Variants in CSMD1 observed in about 807,000 individuals in gnomAD.
CSMD1 encodes CUB and Sushi multiple domains 1.
CSMD1 carries 213 observed loss-of-function variants against 417.5 expected under a neutral mutation model. The ratio of observed to expected loss-of-function variants is 0.51; its 90% CI spans 0.46 to 0.57. CSMD1 has a LOEUF of 0.57. Among genes scored for constraint, CSMD1 ranks in the 20% least tolerant of loss-of-function variants. CSMD1 has a pLI of 0.00. For missense variants in CSMD1, 6,923 were observed against 4,529.7 expected, an observed-to-expected ratio of 1.53 and a Z score of -15.17; for synonymous variants, 2,862 against 1,736.8, an observed-to-expected ratio of 1.65 and a Z score of -16.11.
chr8:3,082,928 G>A (rs1329309632), intron 49 of CSMD1, among the ~76,000 whole-genome samples: 1 of 152,180 alleles, frequency 6.6e-6, no homozygotes, highest in African/African-American at 2.4e-5. Context: ...GTGAACATCT[G>A]CGGGAAAAAT....
chr8:4,773,450 G>A (rs1405551235), intron 1 of CSMD1, among the ~76,000 whole-genome samples: 15 of 152,104 alleles, frequency 9.9e-5, no homozygotes, highest in Admixed American at 9.8e-4. Context: ...GGAGGCCTGT[G>A]CACCCCAGAG....
rs1056815481 is a variant in CSMD1 at position 3,611,840 on chromosome 8, T to A, written c.1097+4870A>T. ...TACAAAATCATGCATATACAAAAAA[T>A]TAATTTAGGACAGAAGTTCAGCCAA... is the stretch of plus-strand genomic sequence containing the variant. On this transcript the variant is annotated intron_variant, in intron 8 of 69. Coordinates refer to ENST00000635120, the MANE Select transcript of CSMD1 (RefSeq NM_033225.6). 7.9e-5 allele frequency among the ~76,000 whole-genome samples: 12 copies of A among 152,030 alleles called. No homozygotes were observed. The East Asian group carries it at 1.2e-3, about 15-fold the overall frequency.
At chr8:4,378,372 A>T (rs1435622271) in intron 3 of CSMD1, among the ~76,000 whole-genome samples, 1 of 152,234 alleles carries the variant, frequency 6.6e-6, no homozygotes, top group African/African-American at 2.4e-5. Context: ...ATCATGAGAA[A>T]TTAGCTCACT....
At chr8:3,947,084 G>A (rs1021817177) in intron 5 of CSMD1, among the ~76,000 whole-genome samples, 18 of 152,148 alleles carry the variant, frequency 1.2e-4, no homozygotes, top group Admixed American at 9.2e-4. Flanking sequence ...AGTTGTAAAA[G>A]TGGATATTAT....
intron 3 of CSMD1, among the ~76,000 whole-genome samples, chr8:4,209,714 G>T (rs1303863573): frequency 1.3e-5 from 2 of 152,274 alleles, no homozygotes; most frequent in East Asian, 1.9e-4. Context: ...AACTTTTATT[G>T]ACTGAAGCAG....
chr8:3,665,290 G>A (rs963043448), intron 7 of CSMD1, among the ~76,000 whole-genome samples: 1 of 152,136 alleles, frequency 6.6e-6, no homozygotes, highest in East Asian at 1.9e-4. Context: ...AGCACTTTAG[G>A]AGGCTGAGGT....
At chr8:4,882,353 G>C (rs1245096461) in intron 1 of CSMD1, among the ~76,000 whole-genome samples, 1 of 151,708 alleles carries the variant, frequency 6.6e-6, no homozygotes, top group East Asian at 2.0e-4. Context: ...TGGTTTGCTT[G>C]GGCAATGGGG....
intron 7 of CSMD1, among the ~76,000 whole-genome samples, chr8:3,617,392 T>C (rs926815765): frequency 2.0e-5 from 3 of 152,240 alleles, no homozygotes; most frequent in Non-Finnish European, 4.4e-5. Flanking sequence ...AGAACTCATT[T>C]GTTTATTGGA....
At chr8:3,772,688 T>C (rs35843559) in intron 5 of CSMD1, among the ~76,000 whole-genome samples, 17,283 of 144,754 alleles carry the variant, frequency 0.12, 1,284 homozygotes, top group East Asian at 0.28. Context: ...TATACATATA[T>C]ATACAAATAT....
intron 23 of CSMD1, among the ~76,000 whole-genome samples, chr8:3,325,760 G>T (rs1837918): frequency 0.15 from 22,756 of 152,040 alleles, 2,439 homozygotes; most frequent in African/African-American, 0.31. Context: ...GGAGGCAGAG[G>T]TTGCAGTGAG....
At chr8:4,251,423 A>T (rs1174279340) in intron 3 of CSMD1, among the ~76,000 whole-genome samples, 1 of 152,208 alleles carries the variant, frequency 6.6e-6, no homozygotes, top group Non-Finnish European at 1.5e-5. Flanking sequence ...GAGCAATAAC[A>T]TGAGACAAGA....
At chr8:4,207,810 T>G (rs886961511) in intron 3 of CSMD1, among the ~76,000 whole-genome samples, 3 of 152,120 alleles carry the variant, frequency 2.0e-5, no homozygotes, top group Non-Finnish European at 4.4e-5. Flanking sequence ...TTACAATAAT[T>G]ATGTTGAAAC....
At chr8:3,491,936 G>C (rs540759553) in intron 11 of CSMD1, among the ~76,000 whole-genome samples, 1 of 152,144 alleles carries the variant, frequency 6.6e-6, no homozygotes, top group Non-Finnish European at 1.5e-5. Context: ...CTGAGGATCC[G>C]GAGGCTTGCT....
intron 47 of CSMD1, among the ~76,000 whole-genome samples, chr8:3,093,826 G>A (rs1163056817): frequency 6.6e-6 from 1 of 152,142 alleles, no homozygotes; most frequent in Non-Finnish European, 1.5e-5. Context: ...GAGAGAAGGA[G>A]GATGAGAAGA....
Position 3,607,209 on chromosome 8 carries a change from G to A in CSMD1, c.1097+9501C>T, listed in dbSNP as rs142214841. Among the ~76,000 whole-genome samples the A allele has an allele frequency of 6.2e-3, 945 of 152,184 alleles. 13 individuals carry two copies. Among genetic ancestry groups the A allele is most frequent in the African/African-American group, 0.022 (898 of 41,524 alleles). ...GCGCACTAGCCTAGGCCTGCACGACGTCAGGATCATTAATATCACTGTTTT... is the reference window on the plus strand; with the variant it reads ...GCGCACTAGCCTAGGCCTGCACGACATCAGGATCATTAATATCACTGTTTT... On this transcript the variant is annotated intron_variant, in intron 8 of 69. Transcript: ENST00000635120.
intron 4 of CSMD1, among the ~76,000 whole-genome samples, chr8:4,001,028 C>T (rs1164856775): frequency 6.9e-6 from 1 of 145,218 alleles, no homozygotes; most frequent in African/African-American, 2.6e-5. Flanking sequence ...TCCCCCCTTT[C>T]AATGTTTCAG....
At chr8:3,617,712 A>T (rs572521459) in intron 7 of CSMD1, among the ~76,000 whole-genome samples, 1 of 152,336 alleles carries the variant, frequency 6.6e-6, no homozygotes, top group African/African-American at 2.4e-5. Flanking sequence ...ATGTGTCAAG[A>T]ACCTGGACCT....
chr8:4,004,104 T>G (rs1189834179), intron 4 of CSMD1, among the ~76,000 whole-genome samples: 1 of 152,160 alleles, frequency 6.6e-6, no homozygotes. Context: ...TTATCTACGT[T>G]AAGCTGTATA....
At chr8:3,980,516 G>A (rs1207847223) in intron 5 of CSMD1, among the ~76,000 whole-genome samples, 2 of 149,484 alleles carry the variant, frequency 1.3e-5, no homozygotes, top group Admixed American at 1.3e-4. Flanking sequence ...CTTCTATGTT[G>A]TTTATGCCAT....
Sources: allele counts gnomAD v4.1 joint callset (sites outside exome capture counted in the v4.1 genomes callset), GRCh38; gene constraint gnomAD v4.1.1; transcripts MANE v1.5; gene names NCBI Gene and HGNC (gene_info 2026-07-23, HGNC 2026-07-21).